The following C1orf87 variants were observed in gnomAD, a reference collection of about 807,000 sequenced individuals.
The protein encoded by C1orf87 is uncharacterized protein C1orf87.
C1orf87 carries 58 observed loss-of-function variants against 60.5 expected under a neutral mutation model. The observed-to-expected ratio is 0.96, with a 90% CI of 0.78 to 1.19. The LOEUF (loss-of-function observed/expected upper bound fraction) is 1.19. C1orf87 is among the 50% of genes most tolerant of loss of function. C1orf87 has a pLI of 0.00. For synonymous variants in C1orf87, 236 were observed against 227.4 expected (o/e 1.04, Z -0.34); for missense variants, 673 against 638.6 (o/e 1.05, Z -0.58).
chr1:60,028,402 G>A (rs1382495175), intron 7 of C1orf87, among the ~76,000 whole-genome samples: 1 of 152,068 alleles, frequency 6.6e-6, no homozygotes, highest in African/African-American at 2.4e-5. Flanking sequence ...AGGCACAACA[G>A]AAACATCTAC....
chr1:60,002,240 C>T (rs962626072), intron 9 of C1orf87, among the ~76,000 whole-genome samples: 8 of 152,182 alleles, frequency 5.3e-5, no homozygotes, highest in Middle Eastern at 6.8e-3. Context: ...AGCTAGATGC[C>T]TTGGCATTGA....
At chr1:60,033,709 A>G in intron 6 of C1orf87, 68 bp from the exon 7 acceptor site, 1 of 1,523,064 alleles carries the variant, frequency 6.6e-7, no homozygotes, top group Non-Finnish European at 8.9e-7. Context: ...ATGCTTTCCT[A>G]CTACATTTCT....
chr1:60,067,565 T>TA, intron 2 of C1orf87, among the ~76,000 whole-genome samples: 1 of 149,434 alleles, frequency 6.7e-6, no homozygotes, highest in African/African-American at 2.5e-5. Flanking sequence ...ATGGGGTTTT[T>TA]TTTTTTTTTT....
chr1:60,050,544 A>T (rs1645406849), intron 3 of C1orf87, among the ~76,000 whole-genome samples: 2 of 150,870 alleles, frequency 1.3e-5, no homozygotes, highest in African/African-American at 4.9e-5. Flanking sequence ...TAGTTTTTTC[A>T]TTAACTGTCT....
chr1:60,021,414 C>T (rs58039926), intron 8 of C1orf87, among the ~76,000 whole-genome samples: 1,940 of 152,242 alleles, frequency 0.013, 53 homozygotes, highest in African/African-American at 0.045. Context: ...TGACTGGGTG[C>T]CATGAGAGAG....
At chr1:60,027,782 T>C (rs916932968) in intron 7 of C1orf87, among the ~76,000 whole-genome samples, 7 of 151,274 alleles carry the variant, frequency 4.6e-5, no homozygotes, top group Admixed American at 4.6e-4. Flanking sequence ...GAATAAGGAG[T>C]TGGGGGGCAT....
intron 6 of C1orf87, among the ~76,000 whole-genome samples, chr1:60,034,432 A>G (rs1645260937): frequency 6.6e-6 from 1 of 152,176 alleles, no homozygotes; most frequent in Non-Finnish European, 1.5e-5. Context: ...CCATTGTCTC[A>G]AGTTAAACAC....
chr1:59,999,701 A>C (rs1274944949), intron 10 of C1orf87, among the ~76,000 whole-genome samples: 1 of 152,076 alleles, frequency 6.6e-6, no homozygotes, highest in African/African-American at 2.4e-5. Flanking sequence ...TGGCACACAA[A>C]ACCATTTATA....
intron 2 of C1orf87, among the ~76,000 whole-genome samples, chr1:60,069,657 T>C (rs181752819): frequency 2.8e-4 from 43 of 152,186 alleles, no homozygotes; most frequent in Non-Finnish European, 5.1e-4. Flanking sequence ...ATTCCAGTCT[T>C]AGATCTTAAT....
chr1:59,997,357 T>C (rs1184279475), intron 11 of C1orf87, among the ~76,000 whole-genome samples: 2 of 152,072 alleles, frequency 1.3e-5, no homozygotes, highest in Admixed American at 6.6e-5. Context: ...AATTATAAAA[T>C]TGGATTGTGG....
chr1:60,023,826 A>G (rs2100273817), intron 8 of C1orf87, among the ~76,000 whole-genome samples: 1 of 152,212 alleles, frequency 6.6e-6, no homozygotes, highest in African/African-American at 2.4e-5. Flanking sequence ...CTCATTTTTA[A>G]TGGCCTTCAC....
chr1:60,011,973 G>A (rs1392613200), intron 8 of C1orf87, among the ~76,000 whole-genome samples: 1 of 152,028 alleles, frequency 6.6e-6, no homozygotes, highest in Admixed American at 6.6e-5. Flanking sequence ...GATGTGGTAG[G>A]TCTAGGCAGG....
rs959346735 is a variant in C1orf87, at chr1:60,023,649, T to A, written c.1127+1752A>T. Among the ~76,000 whole-genome samples the A allele has an allele frequency of 5.4e-5, 8 of 148,286 alleles. No individual in the cohort carries two copies. In the East Asian group the frequency reaches 1.4e-3, roughly 27 times the overall value. ...CAATCATATGATACTGTTGCTATGA[T>A]TAATGGACCAATATTGATACATTAT... On this transcript the variant is annotated intron_variant, in intron 8 of 11. Coordinates refer to ENST00000371201, the MANE Select transcript of C1orf87 (RefSeq NM_152377.3).
intron 8 of C1orf87, among the ~76,000 whole-genome samples, chr1:60,014,481 A>G (rs1645111375): frequency 6.6e-6 from 1 of 152,084 alleles, no homozygotes; most frequent in Admixed American, 6.6e-5. Flanking sequence ...TTCTTCATAG[A>G]AATTTTAGTT....
chr1:60,024,226 C>A lies in C1orf87; in HGVS notation c.1127+1175G>T, dbSNP rs148661445. ...GCATTGTTGATTGAGATTTTCTGTT[C>A]CTTTGAAATTGGGGGACTTTGTTCT... On this transcript the variant is annotated intron_variant, in intron 8 of 11. Transcript: ENST00000371201. Among the ~76,000 whole-genome samples the A allele has an allele frequency of 1.1e-4, 17 of 152,044 alleles. 1 individual carries two copies. The East Asian group carries it at 3.1e-3, about 28-fold the overall frequency.
At chr1:60,042,606 C>T (rs1283688028) in intron 3 of C1orf87, among the ~76,000 whole-genome samples, 1 of 152,198 alleles carries the variant, frequency 6.6e-6, no homozygotes, top group Non-Finnish European at 1.5e-5. Context: ...TTGGCTCATA[C>T]TCTGTACAAG....
chr1:60,036,700 G>A (rs953976429), intron 6 of C1orf87, among the ~76,000 whole-genome samples: 17 of 152,140 alleles, frequency 1.1e-4, no homozygotes, highest in African/African-American at 3.6e-4. Flanking sequence ...TTGCAATGGA[G>A]GCTATGCTCC....
intron 7 of C1orf87, among the ~76,000 whole-genome samples, chr1:60,026,809 G>C (rs746020681): frequency 3.3e-5 from 5 of 152,064 alleles, no homozygotes; most frequent in Admixed American, 6.5e-5. Context: ...AGTGCTGACA[G>C]GTCACCACAA....
intron 7 of C1orf87, among the ~76,000 whole-genome samples, chr1:60,029,890 T>C (rs1179596879): frequency 6.6e-6 from 1 of 151,754 alleles, no homozygotes; most frequent in African/African-American, 2.4e-5. Context: ...CCGCCCACCT[T>C]AGCCTCCCAA....
Sources: allele counts gnomAD v4.1 joint callset (sites outside exome capture counted in the v4.1 genomes callset), GRCh38; gene constraint gnomAD v4.1.1; transcripts MANE v1.5; gene names NCBI Gene and HGNC (gene_info 2026-07-23, HGNC 2026-07-21).